The following RBMS3 variants were observed in gnomAD, a reference collection of about 807,000 sequenced individuals.
RBMS3 encodes the protein RNA-binding motif, single-stranded-interacting protein 3.
RBMS3 carries 27 observed loss-of-function variants against 66.8 expected under a neutral mutation model. That is an observed-to-expected ratio of 0.40 (90% CI 0.30 to 0.56). The LOEUF is 0.56. RBMS3 is among the 20% of genes least tolerant of loss of function. RBMS3 has a pLI of 0.40. For synonymous variants in RBMS3, 188 were observed against 183.0 expected, an observed-to-expected ratio of 1.03 and a Z score of -0.22; for missense variants, 513 against 549.5, an observed-to-expected ratio of 0.93 and a Z score of 0.66.
chr3:29,343,468 A>G (rs2036397287), intron 1 of RBMS3, among the ~76,000 whole-genome samples: 1 of 152,174 alleles, frequency 6.6e-6, no homozygotes, highest in African/African-American at 2.4e-5. Context: ...ACTTGAAAAA[A>G]AAATTTACAT....
At chr3:29,443,652 C>G (rs1304276723) in intron 2 of RBMS3, among the ~76,000 whole-genome samples, 6 of 152,010 alleles carry the variant, frequency 3.9e-5, no homozygotes, top group African/African-American at 1.4e-4. Flanking sequence ...GTTATGTATT[C>G]TTCTGCAAAG....
chr3:29,402,023 C>T (rs1457830268), intron 1 of RBMS3, among the ~76,000 whole-genome samples: 3 of 151,934 alleles, frequency 2.0e-5, no homozygotes, highest in Non-Finnish European at 4.4e-5. Flanking sequence ...AGCAAAGATA[C>T]CAAGCTGGTG....
chr3:29,610,995 CT>C (rs1490844391), intron 4 of RBMS3, among the ~76,000 whole-genome samples: 1 of 151,664 alleles, frequency 6.6e-6, no homozygotes, highest in Non-Finnish European at 1.5e-5. Flanking sequence ...GCAGACATGT[CT>C]TATTTCCTGA....
At chr3:29,538,705 G>A (rs377124004) in intron 3 of RBMS3, among the ~76,000 whole-genome samples, 2 of 152,158 alleles carry the variant, frequency 1.3e-5, no homozygotes, top group South Asian at 4.1e-4. Flanking sequence ...AGGATAATAA[G>A]CATCCAGTGG....
chr3:29,480,834 T>C (rs1211488897), intron 2 of RBMS3, among the ~76,000 whole-genome samples: 1 of 152,206 alleles, frequency 6.6e-6, no homozygotes. Flanking sequence ...AAAAAGCATG[T>C]ACATTTCAGA....
intron 4 of RBMS3, among the ~76,000 whole-genome samples, chr3:29,636,950 ATCAGGCAACATATCATG>A (rs1178590170): frequency 1.3e-5 from 2 of 151,904 alleles, no homozygotes; most frequent in African/African-American, 4.8e-5. Context: ...TCAACTAAGC[ATCAGGCAACATATCATG>A]TATGTGTGAA....
chr3:29,803,265 A>G (rs1028652470), intron 6 of RBMS3, among the ~76,000 whole-genome samples: 3 of 152,122 alleles, frequency 2.0e-5, no homozygotes, highest in Admixed American at 2.0e-4. Context: ...TCACCTGCAT[A>G]ATGTATGATA....
At chr3:29,327,194 A>T (rs999288050) in intron 1 of RBMS3, among the ~76,000 whole-genome samples, 4 of 152,196 alleles carry the variant, frequency 2.6e-5, no homozygotes, top group African/African-American at 9.7e-5. Context: ...ATTATTTGCC[A>T]TAAGGACATG....
At position 29,601,609 on chromosome 3, in the gene RBMS3, T is replaced by A. The variant is rs759845461; in HGVS notation, c.399+14404T>A. 3.3e-5 allele frequency among the ~76,000 whole-genome samples: 5 copies of A among 152,116 alleles called. No homozygotes were observed. The East Asian group carries it at 9.7e-4, about 29-fold the overall frequency. On this transcript the variant is annotated intron_variant, in intron 4 of 14. Coordinates refer to ENST00000383767, the MANE Select transcript of RBMS3 (RefSeq NM_001003793.3). ...TGCCTTAATAAAATATTGCCAATAA[T>A]CCTCGAGTATTAAAAAACAGACTAC...
At chr3:29,840,327 A>C (rs2058630570) in intron 6 of RBMS3, among the ~76,000 whole-genome samples, 1 of 152,126 alleles carries the variant, frequency 6.6e-6, no homozygotes. Flanking sequence ...CAATAAAAGC[A>C]TTGAAAATCA....
At chr3:29,921,314 T>A (rs1309020268) in intron 10 of RBMS3, among the ~76,000 whole-genome samples, 2 of 152,098 alleles carry the variant, frequency 1.3e-5, no homozygotes, top group African/African-American at 4.8e-5. Flanking sequence ...TCTGCCTGCC[T>A]CAGCCTCCCA....
intron 6 of RBMS3, among the ~76,000 whole-genome samples, chr3:29,802,028 A>T (rs1216969684): frequency 6.6e-6 from 1 of 152,212 alleles, no homozygotes; most frequent in African/African-American, 2.4e-5. Flanking sequence ...TGAAACTCCC[A>T]AACTATCATT....
intron 14 of RBMS3, among the ~76,000 whole-genome samples, chr3:29,992,024 C>A (rs1559871269): frequency 1.3e-5 from 2 of 152,078 alleles, no homozygotes; most frequent in Non-Finnish European, 2.9e-5. Flanking sequence ...AGTTTGAGGG[C>A]TGTTTATTGA....
intron 1 of RBMS3, among the ~76,000 whole-genome samples, chr3:29,422,841 A>G (rs2040806998): frequency 1.3e-5 from 2 of 152,170 alleles, no homozygotes; most frequent in South Asian, 2.1e-4. Flanking sequence ...GTGCTCTAAC[A>G]TTGTCTTCTT....
intron 3 of RBMS3, among the ~76,000 whole-genome samples, chr3:29,494,078 T>C (rs1488805440): frequency 3.9e-5 from 6 of 152,236 alleles, no homozygotes; most frequent in Non-Finnish European, 8.8e-5. Context: ...ATGATAGTAA[T>C]TCAATTCTTC....
rs76573036 is a variant in RBMS3 at position 29,555,710 on chromosome 3, A to G, written c.308-31404A>G. ...ATTTTAACAGTGTTACTCCTAGTCT[A>G]AAGTGGAATTTGGTTCTGTCTCCTG... On this transcript the variant is annotated intron_variant, in intron 3 of 14. Coordinates refer to ENST00000383767, the MANE Select transcript of RBMS3 (RefSeq NM_001003793.3). Among the ~76,000 whole-genome samples, 39 of 152,306 alleles carry G rather than the reference A, an allele frequency of 2.6e-4. 1 individual carries two copies. The East Asian group carries it at 7.3e-3, about 29-fold the overall frequency.
At chr3:29,555,322 C>T (rs991756205) in intron 3 of RBMS3, among the ~76,000 whole-genome samples, 27 of 152,124 alleles carry the variant, frequency 1.8e-4, no homozygotes, top group African/African-American at 6.0e-4. Context: ...TGACATTTCG[C>T]AGAAGAGATT....
chr3:29,598,537 T>C (rs141155691), intron 4 of RBMS3, among the ~76,000 whole-genome samples: 2,841 of 152,196 alleles, frequency 0.019, 47 homozygotes, highest in Middle Eastern at 0.054. Context: ...GTTTTTCTTA[T>C]TCTCTCTCCC....
intron 12 of RBMS3, among the ~76,000 whole-genome samples, chr3:29,957,848 C>T (rs1577247016): frequency 6.6e-6 from 1 of 152,144 alleles, no homozygotes; most frequent in African/African-American, 2.4e-5. Flanking sequence ...CCAATGACAT[C>T]GCATCTTTGC....
Sources: allele counts gnomAD v4.1 joint callset (sites outside exome capture counted in the v4.1 genomes callset), GRCh38; gene constraint gnomAD v4.1.1; transcripts MANE v1.5; gene names NCBI Gene and HGNC (gene_info 2026-07-23, HGNC 2026-07-21).